The following MID1 variants were observed in gnomAD, a reference collection of about 807,000 sequenced individuals.
MID1 encodes the protein E3 ubiquitin-protein ligase Midline-1.
MID1 carries 7 observed loss-of-function variants against 40.4 expected under a neutral mutation model. The observed-to-expected ratio is 0.17, with a 90% CI of 0.10 to 0.33. MID1 has a LOEUF of 0.33. Among genes scored for constraint, MID1 ranks in the 10% least tolerant of loss-of-function variants. The pLI is 1.00. For synonymous variants in MID1, 229 were observed against 221.2 expected (o/e 1.04, Z -0.31); for missense variants, 367 against 558.5 (o/e 0.66, Z 3.46).
rs140088902 is a variant in MID1, at chrX:10,503,380, T to C, written c.757-7689A>G. 6.6e-3 allele frequency among the ~76,000 whole-genome samples: 736 copies of C among 112,147 alleles called. 3 individuals are homozygous for C. Among genetic ancestry groups the C allele is most frequent in the African/African-American group, 0.018 (571 of 30,905 alleles). On this transcript the variant is annotated intron_variant, in intron 3 of 9. Transcript: ENST00000317552. ...ACTCTTTCACACCAAAGTCAAATAC[T>C]TGTGGACCTGGCTCAAGTGAATGAG... is the stretch of plus-strand genomic sequence containing the variant.
chrX:10,658,530 G>T (rs925703113), intron 1 of MID1, among the ~76,000 whole-genome samples: 2 of 85,287 alleles, frequency 2.3e-5, no homozygotes, highest in Non-Finnish European at 4.5e-5. Flanking sequence ...TTCACAGAAA[G>T]AACTGAACCT....
chrX:10,776,377 TC>T (rs1293599590), intron 1 of MID1, among the ~76,000 whole-genome samples: 3 of 112,127 alleles, frequency 2.7e-5, no homozygotes, highest in Admixed American at 9.5e-5. Flanking sequence ...ATGTCAGGCT[TC>T]TCATCAGAAT....
intron 1 of MID1, among the ~76,000 whole-genome samples, chrX:10,683,216 C>T (rs2043070693): frequency 9.0e-6 from 1 of 111,680 alleles, no homozygotes; most frequent in Non-Finnish European, 1.9e-5. Context: ...TAAAAAGTTT[C>T]ACTTCAAATG....
At chrX:10,711,133 C>A (rs1188612964) in intron 1 of MID1, among the ~76,000 whole-genome samples, 1 of 111,513 alleles carries the variant, frequency 9.0e-6, no homozygotes, top group Non-Finnish European at 1.9e-5. Flanking sequence ...CTTTTAGTAC[C>A]CTTCCTCCCT....
chrX:10,715,965 C>T (rs1222802705), intron 1 of MID1, among the ~76,000 whole-genome samples: 1 of 112,051 alleles, frequency 8.9e-6, no homozygotes, highest in African/African-American at 3.2e-5. Flanking sequence ...CAAACTCCAA[C>T]AGACCTGCAG....
chrX:10,810,725 T>TG (rs2044092786), intron 1 of MID1, among the ~76,000 whole-genome samples: 2 of 110,081 alleles, frequency 1.8e-5, no homozygotes, highest in African/African-American at 6.6e-5. Context: ...TGTGTGTGTG[T>TG]TTGATAGTAG....
At chrX:10,651,150 GAGTCCTCCCC>G (rs1936312579) in intron 1 of MID1, among the ~76,000 whole-genome samples, 1 of 111,802 alleles carries the variant, frequency 8.9e-6, no homozygotes, top group Non-Finnish European at 1.9e-5. Context: ...CAGGACCTCA[GAGTCCTCCCC>G]AGGACCCTCT....
intron 2 of MID1, among the ~76,000 whole-genome samples, chrX:10,566,532 C>CCTCTCTCTCCCT (rs1934550291): frequency 4.5e-4 from 24 of 52,841 alleles, no homozygotes; most frequent in African/African-American, 1.4e-3. Context: ...CCTCTCTCTC[C>CCTCTCTCTCCCT]CTCTCTCTCT....
Position 10,501,418 on chromosome X carries a change from C to T in MID1, c.757-5727G>A, listed in dbSNP as rs1490197166. On this transcript the variant is annotated intron_variant, in intron 3 of 9. Coordinates refer to ENST00000317552, the MANE Select transcript of MID1 (RefSeq NM_000381.4). The stretch of plus-strand genomic sequence containing the variant: ...TGCTCAGCACATACCTTCTCTACAT[C>T]TAGAGTCAGTTTTCTTTCGCGTCTT... 4.3e-6 allele frequency: 5 copies of T among 1,153,614 alleles called. No homozygotes were observed. The highest frequency in any genetic ancestry group is 5.2e-5 in the Admixed American group (2 of 38,431).
intron 2 of MID1, among the ~76,000 whole-genome samples, chrX:10,554,251 A>G (rs181568640): frequency 7.1e-5 from 8 of 112,571 alleles, no homozygotes; most frequent in Non-Finnish European, 1.5e-4. Context: ...ATCAAATAAT[A>G]CTTGAAAGTG....
At chrX:10,639,816 G>C (rs4378130) in intron 1 of MID1, among the ~76,000 whole-genome samples, 13,942 of 111,823 alleles carry the variant, frequency 0.12, 1,275 homozygotes, top group African/African-American at 0.32. Context: ...CAGCTGATCT[G>C]TCGGCAGAAA....
chrX:10,786,173 T>A (rs1434743001), intron 1 of MID1, among the ~76,000 whole-genome samples: 3 of 111,654 alleles, frequency 2.7e-5, no homozygotes, highest in Non-Finnish European at 5.7e-5. Context: ...GAACAGACAC[T>A]TCTCAAAAGA....
intron 1 of MID1, among the ~76,000 whole-genome samples, chrX:10,590,586 G>C (rs1330411998): frequency 9.0e-6 from 1 of 111,622 alleles, no homozygotes. Context: ...TTGGAGACTT[G>C]AGAATTCTGC....
chrX:10,464,572 G>T (rs1929230457), intron 7 of MID1, among the ~76,000 whole-genome samples: 1 of 111,824 alleles, frequency 8.9e-6, no homozygotes, highest in Non-Finnish European at 1.9e-5. Flanking sequence ...GGCTTAAAAA[G>T]AATGTGTGTA....
intron 1 of MID1, among the ~76,000 whole-genome samples, chrX:10,585,171 T>C (rs1028364581): frequency 2.7e-5 from 3 of 111,420 alleles, no homozygotes; most frequent in African/African-American, 9.8e-5. Context: ...GTTCCTTGGT[T>C]TCACGTCTGG....
Position 10,570,216 on chromosome X carries a change from A to G in MID1, c.-56-2613T>C, listed in dbSNP as rs1934684479. On this transcript the variant is annotated intron_variant, in intron 1 of 9. Transcript: ENST00000317552. ...TCGTTCTGACTCCTCAAACATGCCA[A>G]GCACATCAATCCCCTGCTCGCCCCT... is the stretch of plus-strand genomic sequence containing the variant. 3.6e-5 allele frequency among the ~76,000 whole-genome samples: 4 copies of G among 111,467 alleles called. No homozygotes were observed. The South Asian group carries it at 1.1e-3, about 32-fold the overall frequency.
At chrX:10,495,982 T>C (rs951445787) in intron 3 of MID1, among the ~76,000 whole-genome samples, 1 of 112,176 alleles carries the variant, frequency 8.9e-6, no homozygotes, top group Non-Finnish European at 1.9e-5. Context: ...AGTTGGAAAA[T>C]GATGTGTCAT....
At chrX:10,778,857 G>A (rs1025676246) in intron 1 of MID1, among the ~76,000 whole-genome samples, 6 of 113,506 alleles carry the variant, frequency 5.3e-5, no homozygotes, top group Non-Finnish European at 1.1e-4. Context: ...CACTAAATTT[G>A]TATTAATCTG....
At chrX:10,698,238 G>GC (rs902803603) in intron 1 of MID1, among the ~76,000 whole-genome samples, 3 of 100,649 alleles carry the variant, frequency 3.0e-5, no homozygotes, top group Non-Finnish European at 6.1e-5. Flanking sequence ...GGTGACACCT[G>GC]CCCCCCATCC....
Sources: gnomAD v4.1 joint callset for allele counts (sites outside exome capture counted in the v4.1 genomes callset) on GRCh38, gnomAD v4.1.1 for gene constraint, MANE v1.5 for transcripts, NCBI Gene and HGNC (gene_info 2026-07-23, HGNC 2026-07-21) for gene names.